Variants in DNAH6 observed in about 807,000 individuals in gnomAD.
DNAH6 encodes the protein dynein axonemal heavy chain 6.
In DNAH6, 340 loss-of-function variants were observed where a neutral mutation model predicts 491.4. The ratio of observed to expected loss-of-function variants is 0.69; its 90% CI spans 0.63 to 0.76. DNAH6 has a LOEUF of 0.76. Ranked by LOEUF, DNAH6 falls within the 30% of genes least tolerant of loss-of-function variation. The pLI is 0.00. For missense variants in DNAH6, 4,443 were observed against 4,972.2 expected (o/e 0.89, Z 3.20); for synonymous variants, 1,603 against 1,686.1 (o/e 0.95, Z 1.21).
chr2:84,713,003 T>A (rs766122574), intron 56 of DNAH6, 92 bp from the exon 57 acceptor site: 33 of 1,073,758 alleles, frequency 3.1e-5, no homozygotes, highest in Middle Eastern at 4.1e-4. Flanking sequence ...TCATTCACAG[T>A]ACATTTTGAG....
At chr2:84,763,361 G>A (rs7599422) in intron 64 of DNAH6, among the ~76,000 whole-genome samples, 8,105 of 151,598 alleles carry the variant, frequency 0.053, 263 homozygotes, top group South Asian at 0.07. Flanking sequence ...GGGACAAGGG[G>A]GATGTTTAAA....
chr2:84,619,130 A>G (rs1181864833), intron 23 of DNAH6, among the ~76,000 whole-genome samples: 2 of 152,204 alleles, frequency 1.3e-5, no homozygotes, highest in Non-Finnish European at 2.9e-5. Context: ...ATGGTTGGAA[A>G]TGGTGTGCTG....
intron 16 of DNAH6, among the ~76,000 whole-genome samples, chr2:84,590,526 C>G (rs1384800227): frequency 7.1e-6 from 1 of 140,516 alleles, no homozygotes; most frequent in African/African-American, 2.5e-5. Context: ...AAAGCTACAA[C>G]TCACATGTGA....
chr2:84,653,564 A>C lies in DNAH6; in HGVS notation c.5324A>C (p.Lys1775Thr), dbSNP rs754499898. ...ILAETLGNLQ[K>T]LGIENSFYQA... The stretch of plus-strand genomic sequence containing the variant: ...GCAGAAACTTTAGGGAATTTACAAA[A>C]ACTTGGGATAGAAAATTCCTTTTAC... Residue 1775 changes from lysine to threonine, a missense_variant, in exon 34 of 77, where the codon AAA becomes ACA. By Grantham distance (78) the Lys-to-Thr change is moderately conservative (BLOSUM62 -1). Coordinates refer to ENST00000389394, the MANE Select transcript of DNAH6 (RefSeq NM_001370.2). 1.6e-4 allele frequency: 250 copies of C among 1,551,230 alleles called. No homozygotes were observed. The highest frequency in any genetic ancestry group is 2.1e-4 in the Non-Finnish European group (239 of 1,146,736).
intron 72 of DNAH6, 24 bp downstream of exon 72, chr2:84,808,566 T>C: frequency 2.6e-6 from 4 of 1,550,382 alleles, no homozygotes; most frequent in Non-Finnish European, 3.5e-6. Flanking sequence ...CTTTCATCAT[T>C]GCTATTGAGC....
At chr2:84,818,516 GA>G (rs1216098211) in intron 76 of DNAH6, among the ~76,000 whole-genome samples, 4 of 132,328 alleles carry the variant, frequency 3.0e-5, no homozygotes, top group East Asian at 4.4e-4. Flanking sequence ...AAAAAAAAGG[GA>G]AAAAAAACCT....
chr2:84,677,766 C>G (rs150428075), intron 41 of DNAH6, among the ~76,000 whole-genome samples: 1 of 152,110 alleles, frequency 6.6e-6, no homozygotes, highest in Non-Finnish European at 1.5e-5. Flanking sequence ...TGACTAAAGC[C>G]CCGCATAACC....
intron 22 of DNAH6, among the ~76,000 whole-genome samples, chr2:84,614,244 C>G (rs1686609666): frequency 6.6e-6 from 1 of 152,020 alleles, no homozygotes; most frequent in African/African-American, 2.4e-5. Flanking sequence ...CTTTTGTGTC[C>G]TCATACCTTA....
At chr2:84,504,025 C>A in the DNAH6 span, among the ~76,000 whole-genome samples, 1 of 152,176 alleles carries the variant, frequency 6.6e-6, no homozygotes, top group African/African-American at 2.4e-5. Context: ...CTCTTTTAGG[C>A]CAATAACTGT....
chr2:84,651,527 G>T (rs1035670356), intron 33 of DNAH6, among the ~76,000 whole-genome samples: 8 of 151,920 alleles, frequency 5.3e-5, no homozygotes, highest in African/African-American at 1.9e-4. Context: ...TTTCTGTCTT[G>T]CTGGGCTGCC....
At chr2:84,617,621 A>C (rs1381150360) in intron 23 of DNAH6, among the ~76,000 whole-genome samples, 2 of 151,878 alleles carry the variant, frequency 1.3e-5, no homozygotes, top group Non-Finnish European at 1.5e-5. Context: ...TTTGATTTTT[A>C]GATCCCACAA....
intron 42 of DNAH6, among the ~76,000 whole-genome samples, chr2:84,684,712 G>C (rs960263853): frequency 6.6e-6 from 1 of 152,210 alleles, no homozygotes; most frequent in Non-Finnish European, 1.5e-5. Context: ...ACAGTGTGAG[G>C]AGCCCCATAT....
intron 64 of DNAH6, among the ~76,000 whole-genome samples, chr2:84,768,010 A>T (rs1436868865): frequency 1.3e-5 from 2 of 152,256 alleles, no homozygotes; most frequent in East Asian, 3.9e-4. Context: ...TACTGTCAAA[A>T]CTTCTCTTAA....
Position 84,707,708 on chromosome 2 carries a change from AG to A in DNAH6, c.9042del (p.Arg3014SerfsTer5). ...CTATGGGGCTTTCACAGCCCAGTACAGGCAGTCAGTGAGTAACCCTGCTTTC... is the reference window on the plus strand; with the variant it reads ...CTATGGGGCTTTCACAGCCCAGTACAGCAGTCAGTGAGTAACCCTGCTTTC... ...AYYGAFTAQY[R>X]QSLIECWIQD... On this transcript the variant is annotated frameshift_variant, in exon 54 of 77. Transcript: ENST00000389394. LOFTEE classifies it high-confidence loss of function. 1 of 1,551,656 alleles carries A rather than the reference AG, an allele frequency of 6.4e-7. No homozygotes were observed. Among genetic ancestry groups the A allele is most frequent in the South Asian group, 1.2e-5 (1 of 84,000 alleles).
chr2:84,532,493 C>A (rs1677271126), intron 4 of DNAH6, among the ~76,000 whole-genome samples: 1 of 152,082 alleles, frequency 6.6e-6, no homozygotes, highest in Non-Finnish European at 1.5e-5. Flanking sequence ...AAGATGAGGT[C>A]ATGTTATTAC....
intron 62 of DNAH6, among the ~76,000 whole-genome samples, chr2:84,743,906 G>A (rs1672736362): frequency 6.6e-6 from 1 of 152,092 alleles, no homozygotes; most frequent in Non-Finnish European, 1.5e-5. Flanking sequence ...ATTTCCTGGA[G>A]TCCTAATGAT....
the DNAH6 span, among the ~76,000 whole-genome samples, chr2:84,504,267 A>AATCTCTTT: frequency 6.6e-6 from 1 of 151,964 alleles, no homozygotes; most frequent in Non-Finnish European, 1.5e-5. Context: ...TAATTATTTC[A>AATCTCTTT]ATCTCTTTGT....
rs2104985951 is a variant in DNAH6 at position 84,733,466 on chromosome 2, C to T, written c.10229C>T (p.Ala3410Val). 6.4e-7 allele frequency: 1 copy of T among 1,551,052 alleles called. No individual in the cohort carries two copies. Among genetic ancestry groups the T allele is most frequent in the Non-Finnish European group, 8.7e-7 (1 of 1,146,500 alleles). Residue 3410 changes from alanine to valine, a missense_variant, in exon 62 of 77, where the codon GCT becomes GTT. Ala to Val is a moderately conservative substitution (Grantham distance 64). Transcript: ENST00000389394. ...LEKERPPKPE[A>V]PWLPTATWFA... ...CAGGAACGCCCACCTAAGCCTGAAG[C>T]TCCCTGGCTACCTACTGCTACATGG...
In DNAH6 at chr2:84,523,757, A is replaced by T. The variant is rs1676356216; in HGVS notation, c.226-1808A>T. ...GGTTGTTTATTTTCCATGTAATTGC[A>T]TAGTTTTGAGCAATTTTAGTAGTCT... On this transcript the variant is annotated intron_variant, in intron 2 of 76. Transcript: ENST00000389394. 3.3e-5 allele frequency among the ~76,000 whole-genome samples: 5 copies of T among 152,066 alleles called. No individual in the cohort carries two copies. In the South Asian group the frequency reaches 1.0e-3, roughly 32 times the overall value.
Sources: allele counts gnomAD v4.1 joint callset (sites outside exome capture counted in the v4.1 genomes callset), GRCh38; gene constraint gnomAD v4.1.1; transcripts MANE v1.5; gene names NCBI Gene and HGNC (gene_info 2026-07-23, HGNC 2026-07-21).